The following EXTL3 variants were observed in gnomAD, a reference collection of about 807,000 sequenced individuals.
The protein encoded by EXTL3 is exostosin like glycosyltransferase 3, also known as exostosin-like 3.
A neutral mutation model predicts 69.3 loss-of-function variants in EXTL3; 27 were observed. The observed-to-expected ratio is 0.39, with a 90% CI of 0.29 to 0.54. The LOEUF (loss-of-function observed/expected upper bound fraction) is 0.54, where lower values mean the gene tolerates loss of function less well. Among genes scored for constraint, EXTL3 ranks in the 20% least tolerant of loss-of-function variants. EXTL3 has a pLI of 0.69. For missense variants in EXTL3, 1,003 were observed against 1,231.8 expected, an observed-to-expected ratio of 0.81 and a Z score of 2.78; for synonymous variants, 511 against 499.4, an observed-to-expected ratio of 1.02 and a Z score of -0.31.
intron 1 of EXTL3, among the ~76,000 whole-genome samples, chr8:28,643,901 GACCACAGGTGGGC>G (rs1399037946): frequency 6.6e-6 from 1 of 152,042 alleles, no homozygotes; most frequent in Non-Finnish European, 1.5e-5. Flanking sequence ...GAGTAGCTGG[GACCACAGGTGGGC>G]ACCACCACGC....
chr8:28,732,527 G>A (rs1801559189), intron 4 of EXTL3, among the ~76,000 whole-genome samples: 1 of 152,114 alleles, frequency 6.6e-6, no homozygotes, highest in Non-Finnish European at 1.5e-5. Context: ...AAGAAACCCT[G>A]TACCTATTAA....
intron 5 of EXTL3, 47 bp downstream of exon 5, chr8:28,737,710 C>T (rs1378089434): frequency 6.2e-7 from 1 of 1,605,474 alleles, no homozygotes; most frequent in Admixed American, 1.7e-5. Context: ...GAGAGTTTCA[C>T]CTTTGTGTGG....
intron 2 of EXTL3, among the ~76,000 whole-genome samples, chr8:28,616,496 G>A (rs1181019006): frequency 2.6e-5 from 4 of 152,100 alleles, no homozygotes; most frequent in African/African-American, 4.8e-5. Flanking sequence ...GCGTGGTGGC[G>A]GGCGCCTGCA....
At chr8:28,633,029 A>T (rs1409170484) in intron 1 of EXTL3, among the ~76,000 whole-genome samples, 2 of 152,132 alleles carry the variant, frequency 1.3e-5, no homozygotes, top group African/African-American at 4.8e-5. Flanking sequence ...GTAAATTTTT[A>T]AATGGTTGGG....
chr8:28,719,734 T>C (rs1009205925), intron 3 of EXTL3, among the ~76,000 whole-genome samples: 1 of 152,222 alleles, frequency 6.6e-6, no homozygotes, highest in African/African-American at 2.4e-5. Context: ...AGAAAGCATT[T>C]GCTCTGTGAA....
intron 3 of EXTL3, among the ~76,000 whole-genome samples, chr8:28,729,967 T>G (rs1358997815): frequency 6.6e-6 from 1 of 152,134 alleles, no homozygotes; most frequent in Non-Finnish European, 1.5e-5. Flanking sequence ...TCCAAAGCCC[T>G]TCTAGCTCTG....
intron 1 of EXTL3, among the ~76,000 whole-genome samples, chr8:28,658,203 T>TG (rs11344325): frequency 3.7e-4 from 56 of 151,814 alleles, no homozygotes; most frequent in East Asian, 3.1e-3. Flanking sequence ...GGACGGTGGG[T>TG]GGGGGGGGTC....
At chr8:28,749,826 C>A (rs1380286568) in intron 6 of EXTL3, among the ~76,000 whole-genome samples, 1 of 152,196 alleles carries the variant, frequency 6.6e-6, no homozygotes. Flanking sequence ...GCTGGGACTA[C>A]ACCAGATAGC....
chr8:28,701,926 C>T (rs1800809421), intron 1 of EXTL3, among the ~76,000 whole-genome samples: 1 of 152,146 alleles, frequency 6.6e-6, no homozygotes, highest in African/African-American at 2.4e-5. Flanking sequence ...TGGGCTGGGG[C>T]ACCCCCTCCC....
At chr8:28,699,253 C>T (rs563998596), upstream of EXTL3, among the ~76,000 whole-genome samples, 52 of 152,290 alleles carry the variant, frequency 3.4e-4, 1 homozygote, top group African/African-American at 1.2e-3. Flanking sequence ...GGGCCCCAAG[C>T]TCTGCTGTAA....
At chr8:28,677,584 C>T (rs1585246085) in intron 1 of EXTL3, among the ~76,000 whole-genome samples, 1 of 152,352 alleles carries the variant, frequency 6.6e-6, no homozygotes, top group African/African-American at 2.4e-5. Flanking sequence ...AGCTGTTTGA[C>T]AGCTCCCCTG....
Position 28,717,602 on chromosome 8 carries a change from C to T in EXTL3, c.1543C>T (p.Leu515Phe), listed in dbSNP as rs1425611790. ...LLAMRRQGRF[L>F]WETYFSTADS... ...GGCTATGAGGCGGCAAGGCCGCTTTCTCTGGGAGACTTACTTCTCCACTGC... is the reference window on the plus strand; with the variant it reads ...GGCTATGAGGCGGCAAGGCCGCTTTTTCTGGGAGACTTACTTCTCCACTGC... Residue 515 changes from leucine (L) to phenylalanine (F), a missense_variant, in exon 3 of 7, where the codon CTC (leucine) becomes TTC (phenylalanine). Leu to Phe is a conservative substitution (Grantham distance 22). This residue lies in a region of EXTL3 where 742 missense variants were observed against 815.4 expected (regional missense o/e 0.91). Coordinates refer to ENST00000220562, the MANE Select transcript of EXTL3 (RefSeq NM_001440.4). This position sits in a 1 kb window ranked among gnomAD's most constrained non-coding sequence, Gnocchi z 8.3. The T allele has an allele frequency of 1.2e-6, 2 of 1,614,124 alleles. No individual in the cohort carries two copies. Among genetic ancestry groups the T allele is most frequent in the Non-Finnish European group, 1.7e-6 (2 of 1,180,060 alleles).
rs186875684 is a variant in EXTL3 at position 28,687,380 on chromosome 8, C to T, written c.-52-26077C>T. 2.4e-3 allele frequency among the ~76,000 whole-genome samples: 366 copies of T among 152,176 alleles called. 6 individuals are homozygous for T. Among genetic ancestry groups the T allele is most frequent in the African/African-American group, 8.3e-3 (346 of 41,536 alleles). On this transcript the variant is annotated intron_variant, in intron 1 of 6. Transcript: ENST00000523149. ...ACTTGGGAGGCTGAGGCAGGAGAATCGCTTGAACCCAGGAGGTGGAGGTTG... is the reference window on the plus strand; with the variant it reads ...ACTTGGGAGGCTGAGGCAGGAGAATTGCTTGAACCCAGGAGGTGGAGGTTG...
Position 28,611,542 on chromosome 8 carries a change from T to C in EXTL3, n.314+3784T>C, listed in dbSNP as rs551324803. Reference sequence around the variant, plus strand: ...CATTTGAGTGTGTTTATGTTTCAGTTTTCTAAGTGACTTTGAATCTTACTG... The same window carrying C: ...CATTTGAGTGTGTTTATGTTTCAGTCTTCTAAGTGACTTTGAATCTTACTG... On this transcript the variant is annotated intron_variant and non_coding_transcript_variant, in intron 2 of 4. Transcript: ENST00000522725. Among the ~76,000 whole-genome samples, 93 of 152,324 alleles carry C rather than the reference T, an allele frequency of 6.1e-4. 3 individuals are homozygous for C. The South Asian group carries it at 0.018, about 29-fold the overall frequency.
intron 1 of EXTL3, among the ~76,000 whole-genome samples, chr8:28,658,528 C>T (rs1807051099): frequency 6.6e-6 from 1 of 151,896 alleles, no homozygotes. Context: ...CCTTGCTGTT[C>T]CCCCCCTGCC....
At position 28,751,135 on chromosome 8, in the gene EXTL3, C is replaced by T; in HGVS notation, c.*269C>T. On this transcript the variant is annotated 3_prime_UTR_variant, in exon 7 of 7. Transcript: ENST00000220562. ...GAGGACTGTGGCGACTCTGCAGAGT[C>T]ACTCACACCGTTCGTACGCCCAGGA... 2.0e-6 allele frequency: 1 copy of T among 507,740 alleles called. No individual in the cohort carries two copies. Among genetic ancestry groups the T allele is most frequent in the Non-Finnish European group, 3.6e-6 (1 of 279,704 alleles). 31.5% of individuals were successfully genotyped at this position (507,740 alleles called of 1,614,324 possible). A position where few individuals can be genotyped will look rare whatever the true frequency, so the allele number is the denominator to read the frequency against.
At chr8:28,730,681 A>T (rs1347789942) in intron 3 of EXTL3, among the ~76,000 whole-genome samples, 1 of 152,176 alleles carries the variant, frequency 6.6e-6, no homozygotes, top group Non-Finnish European at 1.5e-5. Flanking sequence ...AGAAGGAAAA[A>T]GTTTGTGTAC....
intron 1 of EXTL3, among the ~76,000 whole-genome samples, chr8:28,666,185 G>C (rs1374952907): frequency 1.3e-5 from 2 of 152,212 alleles, no homozygotes; most frequent in African/African-American, 2.4e-5. Flanking sequence ...AGATGAGAGA[G>C]ATCTTAGGTA....
chr8:28,608,059 G>A (rs1037852802), intron 2 of EXTL3, among the ~76,000 whole-genome samples: 8 of 150,980 alleles, frequency 5.3e-5, no homozygotes, highest in South Asian at 2.1e-4. Flanking sequence ...GCAGTGAGCC[G>A]AGATCGTGCC....
Sources: gnomAD v4.1 joint callset for allele counts (sites outside exome capture counted in the v4.1 genomes callset) on GRCh38, gnomAD v4.1.1 for gene constraint, gnomAD v4.1.1 regional missense constraint, Gnocchi (gnomAD v3.1) non-coding constraint, MANE v1.5 for transcripts, NCBI Gene and HGNC (gene_info 2026-07-23, HGNC 2026-07-21) for gene names.